The following PYGL variants were observed in gnomAD, a reference collection of about 807,000 sequenced individuals.
PYGL encodes glycogen phosphorylase, liver form.
A neutral mutation model predicts 100.1 loss-of-function variants in PYGL; 90 were observed. That is an observed-to-expected ratio of 0.90 (90% CI 0.76 to 1.07). The LOEUF is 1.07. Among genes scored for constraint, PYGL ranks in the 50% least tolerant of loss-of-function variants. The pLI is 0.00. For missense variants in PYGL, 1,016 were observed against 1,057.6 expected (o/e 0.96, Z 0.55); for synonymous variants, 373 against 393.0 (o/e 0.95, Z 0.60).
chr14:50,931,384 G>C (rs1257333985), intron 4 of PYGL, among the ~76,000 whole-genome samples: 2 of 152,204 alleles, frequency 1.3e-5, no homozygotes, highest in African/African-American at 4.8e-5. Flanking sequence ...ACACATTGTA[G>C]GTGCTCCACA....
At chr14:50,935,077 A>G (rs1374077524) in intron 3 of PYGL, 30 bp downstream of exon 3, 4 of 1,574,932 alleles carry the variant, frequency 2.5e-6, no homozygotes, top group Non-Finnish European at 3.5e-6. Flanking sequence ...AATCGGCCAG[A>G]CAATATAATA....
Position 50,912,258 on chromosome 14 carries a change from C to G in PYGL, c.1666G>C (p.Val556Leu). The change falls in exon 14 of 20, where the codon GTG (valine) becomes CTG (leucine). Residue 556 changes from valine (V) to leucine (L), a missense_variant. Coordinates refer to ENST00000216392, the MANE Select transcript of PYGL (RefSeq NM_002863.5). ...FSQFLETEYK[V>L]KINPSSMFDV... ...AACATGGAGGATGGGTTGATCTTCA[C>G]TTTGTACTCCGTCTCCAGGAACTGA... 1.2e-6 allele frequency: 2 copies of G among 1,614,094 alleles called. No individual in the cohort carries two copies. Among genetic ancestry groups the G allele is most frequent in the Non-Finnish European group, 1.7e-6 (2 of 1,179,914 alleles).
chr14:50,909,843 C>A, intron 17 of PYGL, 52 bp downstream of exon 17: 11 of 1,598,656 alleles, frequency 6.9e-6, no homozygotes, highest in Non-Finnish European at 8.6e-6. Flanking sequence ...GGTCACATAC[C>A]TTCTAGGGGG....
intron 2 of PYGL, 84 bp downstream of exon 2, chr14:50,937,651 AT>A (rs36014565): frequency 3.0e-6 from 4 of 1,334,926 alleles, no homozygotes; most frequent in Non-Finnish European, 3.2e-6. Context: ...ATTTTACTTT[AT>A]TTTTTTGTGC....
chr14:50,912,784 T>C (rs2050411404), intron 13 of PYGL, among the ~76,000 whole-genome samples: 1 of 151,904 alleles, frequency 6.6e-6, no homozygotes, highest in South Asian at 2.1e-4. Flanking sequence ...TGTAACCCTG[T>C]CTCTACTAAA....
Position 50,944,346 on chromosome 14 carries a change from C to T in PYGL, c.58G>A (p.Val20Met), listed in dbSNP as rs1308567389. The change falls in exon 1 of 20, where the codon GTG becomes ATG. Residue 20 changes from valine to methionine, a missense_variant. Transcript: ENST00000216392. ...KRRQISIRGI[V>M]GVENVAELKK... ...AGCTCTGCCACGTTCTCCACGCCCA[C>T]GATGCCGCGGATGCTGATCTGCCGC... 4.3e-6 allele frequency: 7 copies of T among 1,613,690 alleles called. No individual in the cohort carries two copies. The highest frequency in any genetic ancestry group is 5.9e-6 in the Non-Finnish European group (7 of 1,179,858).
intron 6 of PYGL, 46 bp from the exon 7 acceptor site, chr14:50,920,669 T>C: frequency 6.5e-7 from 1 of 1,544,170 alleles, no homozygotes; most frequent in Non-Finnish European, 9.0e-7. Context: ...CCAGCCATTG[T>C]TGTTGGAAAC....
rs1317069239 is a variant in PYGL at position 50,914,796 on chromosome 14, G to T, written c.1423C>A (p.Leu475Ile). 6.2e-7 allele frequency: 1 copy of T among 1,613,678 alleles called. No homozygotes were observed. Among genetic ancestry groups the T allele is most frequent in the Non-Finnish European group, 8.5e-7 (1 of 1,179,664 alleles). The change falls in exon 12 of 20, where the codon CTA becomes ATA. Residue 475 changes from leucine to isoleucine, a missense_variant. Coordinates refer to ENST00000216392, the MANE Select transcript of PYGL (RefSeq NM_002863.5). ...KTKVFKDFSE[L>I]EPDKFQNKTN... ...TTATTCTGAAACTTGTCAGGTTCTA[G>T]CTCACTGAAGTCCTTGAATCTGGAG...
chr14:50,917,375 T>C (rs532584377), intron 7 of PYGL, among the ~76,000 whole-genome samples: 4 of 152,156 alleles, frequency 2.6e-5, no homozygotes, highest in African/African-American at 9.6e-5. Context: ...GAAAAACAGA[T>C]GCATGAGTGG....
intron 2 of PYGL, among the ~76,000 whole-genome samples, chr14:50,935,389 A>G (rs2050645930): frequency 6.6e-6 from 1 of 152,224 alleles, no homozygotes; most frequent in Non-Finnish European, 1.5e-5. Context: ...AGCATGGAGA[A>G]AAGTGTAAGC....
rs758027511 is a variant in PYGL, at chr14:50,915,485, C to A, written c.1254G>T (p.Leu418Phe). Residue 418 changes from leucine to phenylalanine, a missense_variant, in exon 11 of 20, where the codon TTG becomes TTT. Physicochemically the swap from Leu to Phe is conservative, Grantham distance 22. Coordinates refer to ENST00000216392, the MANE Select transcript of PYGL (RefSeq NM_002863.5). ...TCAGACGGTCCACATCTTTAGGAAACAAGGCCACAATTCTCTAGCCAAAGG... is the reference window on the plus strand; with the variant it reads ...TCAGACGGTCCACATCTTTAGGAAAAAAGGCCACAATTCTCTAGCCAAAGG... ...NQKHLDRIVA[L>F]FPKDVDRLRR... 5.0e-6 allele frequency: 8 copies of A among 1,614,090 alleles called. No individual in the cohort carries two copies. In the East Asian group the frequency reaches 1.8e-4, roughly 36 times the overall value.
At chr14:50,912,342 T>C in intron 13 of PYGL, 39 bp from the exon 14 acceptor site, 1 of 1,607,582 alleles carries the variant, frequency 6.2e-7, no homozygotes, top group Non-Finnish European at 8.5e-7. Flanking sequence ...TCTTTTGGCC[T>C]AGAAGAATTG....
chr14:50,925,796 C>T (rs555421569), intron 4 of PYGL, among the ~76,000 whole-genome samples: 1 of 152,242 alleles, frequency 6.6e-6, no homozygotes, highest in East Asian at 1.9e-4. Flanking sequence ...GTTGGAAGAG[C>T]TAGGAGTTAG....
chr14:50,921,111 T>C (rs368762017), intron 5 of PYGL, 44 bp from the exon 6 acceptor site: 102 of 1,473,596 alleles, frequency 6.9e-5, no homozygotes, highest in Non-Finnish European at 8.8e-5. Context: ...TTCCCAAGTG[T>C]GATGACATAG....
intron 17 of PYGL, 48 bp from the exon 18 acceptor site, chr14:50,909,003 G>A (rs763033001): frequency 1.5e-5 from 24 of 1,559,814 alleles, no homozygotes; most frequent in Non-Finnish European, 2.1e-5. Flanking sequence ...CTGTTATTGT[G>A]TTGTGTGATT....
intron 2 of PYGL, among the ~76,000 whole-genome samples, chr14:50,935,708 G>A (rs12717412): frequency 0.49 from 74,338 of 151,968 alleles, 19,655 homozygotes; most frequent in African/African-American, 0.67. Context: ...GAAAATGACC[G>A]AAAGGTCTCA....
chr14:50,929,255 G>A (rs1296098043), intron 4 of PYGL, among the ~76,000 whole-genome samples: 1 of 152,108 alleles, frequency 6.6e-6, no homozygotes, highest in Non-Finnish European at 1.5e-5. Flanking sequence ...GTTTCACCAT[G>A]TTGGCTAGGC....
intron 3 of PYGL, 44 bp downstream of exon 3, chr14:50,935,063 C>T: frequency 6.5e-7 from 1 of 1,545,406 alleles, no homozygotes; most frequent in Non-Finnish European, 8.9e-7. Flanking sequence ...TCTGAGATGT[C>T]TTCAATCGGC....
chr14:50,920,617 A>C lies in PYGL; in HGVS notation c.779T>G (p.Val260Gly). 1.2e-6 allele frequency: 2 copies of C among 1,610,320 alleles called. No individual in the cohort carries two copies. Among genetic ancestry groups the C allele is most frequent in the South Asian group, 2.2e-5 (2 of 91,012 alleles). ...CAGCACAGCCTGAATGTAGTCTCCA[A>C]CATTAACTAGGGGAAAGTTAGAGAA... The part of the protein sequence containing the change: ...PNDFNLRDFN[V>G]GDYIQAVLDR... The change falls in exon 7 of 20, where the codon GTT becomes GGT. Residue 260 changes from valine to glycine, a missense_variant. Val to Gly is a moderately radical substitution (Grantham distance 109, BLOSUM62 -3). Coordinates refer to ENST00000216392, the MANE Select transcript of PYGL (RefSeq NM_002863.5).
Sources: allele counts gnomAD v4.1 joint callset (sites outside exome capture counted in the v4.1 genomes callset), GRCh38; gene constraint gnomAD v4.1.1; transcripts MANE v1.5; gene names NCBI Gene and HGNC (gene_info 2026-07-23, HGNC 2026-07-21).